Variants in TSHR observed in about 807,000 individuals in gnomAD.
TSHR encodes the protein thyrotropin receptor.
Under a neutral mutation model 64.1 loss-of-function variants are expected in TSHR, and 51 were observed. The observed-to-expected ratio is 0.80, with a 90% CI of 0.64 to 1.01. TSHR has a LOEUF of 1.01. Among genes scored for constraint, TSHR ranks in the 50% least tolerant of loss-of-function variants. TSHR has a pLI of 0.00. For synonymous variants in TSHR, 361 were observed against 361.9 expected (o/e 1.00, Z 0.03); for missense variants, 877 against 942.8 (o/e 0.93, Z 0.91).
At chr14:81,061,219 T>C (rs1489590284) in intron 1 of TSHR, among the ~76,000 whole-genome samples, 2 of 152,200 alleles carry the variant, frequency 1.3e-5, no homozygotes, top group Non-Finnish European at 2.9e-5. Context: ...AACATGCATT[T>C]AATTCTTTTA....
At chr14:81,102,065 G>A (rs528173840) in intron 7 of TSHR, among the ~76,000 whole-genome samples, 41 of 151,984 alleles carry the variant, frequency 2.7e-4, no homozygotes, top group African/African-American at 4.1e-4. Context: ...CCAGCTACTC[G>A]GGAGGCTGAG....
intron 1 of TSHR, among the ~76,000 whole-genome samples, chr14:81,021,849 T>G (rs565987561): frequency 5.3e-4 from 80 of 152,324 alleles, no homozygotes; most frequent in African/African-American, 1.9e-3. Context: ...GTGGCTGCAC[T>G]TTCAGTGCTG....
chr14:81,033,017 A>T, intron 1 of TSHR: 1 of 360,516 alleles, frequency 2.8e-6, no homozygotes, highest in South Asian at 3.0e-5. Context: ...GATTTACTGG[A>T]GTCCTTTGGT....
intron 8 of TSHR, among the ~76,000 whole-genome samples, chr14:81,123,728 A>C (rs1890901299): frequency 6.6e-6 from 1 of 152,216 alleles, no homozygotes; most frequent in Admixed American, 6.5e-5. Flanking sequence ...AAGATAATCT[A>C]ATTTAAAGCA....
intron 1 of TSHR, chr14:81,049,382 C>A (rs1424719146): frequency 6.6e-6 from 1 of 152,092 alleles, no homozygotes; most frequent in Non-Finnish European, 1.5e-5. Context: ...TTTCAGAATA[C>A]CATATCTATA....
intron 1 of TSHR, among the ~76,000 whole-genome samples, chr14:81,008,451 C>T (rs1387772457): frequency 2.0e-5 from 3 of 152,132 alleles, no homozygotes; most frequent in African/African-American, 2.4e-5. Flanking sequence ...GGATTACAGG[C>T]GTGAGCCACT....
intron 1 of TSHR, among the ~76,000 whole-genome samples, chr14:81,040,207 C>T (rs747851014): frequency 9.2e-5 from 14 of 151,760 alleles, no homozygotes; most frequent in Non-Finnish European, 2.1e-4. Flanking sequence ...CATGAATACA[C>T]ATTGGGGAAA....
chr14:81,077,994 ATTG>A (rs1021920259), intron 3 of TSHR, among the ~76,000 whole-genome samples: 25 of 151,408 alleles, frequency 1.7e-4, no homozygotes, highest in East Asian at 1.4e-3. Flanking sequence ...CTTTCATGCT[ATTG>A]TTGTCATATA....
At chr14:81,141,176 G>C (rs972456695) in intron 9 of TSHR, among the ~76,000 whole-genome samples, 1 of 152,122 alleles carries the variant, frequency 6.6e-6, no homozygotes, top group African/African-American at 2.4e-5. Context: ...GGCCAATATG[G>C]GCATCATAGC....
At chr14:80,969,792 C>T (rs1447895862) in intron 1 of TSHR, among the ~76,000 whole-genome samples, 2 of 152,190 alleles carry the variant, frequency 1.3e-5, no homozygotes, top group Admixed American at 6.5e-5. Flanking sequence ...TGAGCATTAA[C>T]GTGAGACACA....
chr14:80,956,138 C>A (rs1441785427), intron 1 of TSHR, among the ~76,000 whole-genome samples: 1 of 152,238 alleles, frequency 6.6e-6, no homozygotes, highest in Non-Finnish European at 1.5e-5. Flanking sequence ...TGCTATTCAG[C>A]ACTTTGCCTA....
chr14:81,125,040 G>A (rs567909686), intron 8 of TSHR, among the ~76,000 whole-genome samples: 1 of 152,220 alleles, frequency 6.6e-6, no homozygotes, highest in East Asian at 1.9e-4. Flanking sequence ...TAGTTATAAG[G>A]ATAAGACACA....
At chr14:81,086,531 G>C (rs554177877) in intron 3 of TSHR, among the ~76,000 whole-genome samples, 1 of 152,138 alleles carries the variant, frequency 6.6e-6, no homozygotes, top group Admixed American at 6.5e-5. Flanking sequence ...CATTATTTTA[G>C]AGCCCTAACT....
chr14:80,987,763 T>C (rs1888541574), intron 1 of TSHR, among the ~76,000 whole-genome samples: 1 of 152,214 alleles, frequency 6.6e-6, no homozygotes, highest in East Asian at 1.9e-4. Flanking sequence ...CATCTATTTA[T>C]TCCTCATTCC....
intron 8 of TSHR, among the ~76,000 whole-genome samples, chr14:81,137,420 T>C (rs1891499388): frequency 6.6e-6 from 1 of 152,214 alleles, no homozygotes; most frequent in Non-Finnish European, 1.5e-5. Flanking sequence ...TTGATAGTTC[T>C]CTTAGAATCT....
intron 3 of TSHR, among the ~76,000 whole-genome samples, chr14:81,082,523 C>T (rs141464780): frequency 3.9e-5 from 6 of 152,224 alleles, no homozygotes; most frequent in East Asian, 1.9e-4. Flanking sequence ...CTGCTAAGTC[C>T]GAGTGCACTC....
intron 1 of TSHR, chr14:80,994,411 C>T (rs904712125): frequency 6.6e-6 from 1 of 151,668 alleles, no homozygotes; most frequent in African/African-American, 2.4e-5. Flanking sequence ...TAGAAGAGAC[C>T]AAATAGCCAA....
chr14:81,003,658 A>G (rs146908702), intron 1 of TSHR: 84 of 163,260 alleles, frequency 5.1e-4, no homozygotes, highest in African/African-American at 2.0e-3. Flanking sequence ...TCACAGATCC[A>G]TCTCCACTTG....
chr14:80,968,024 T>C (rs139896372), intron 1 of TSHR, among the ~76,000 whole-genome samples: 1 of 152,262 alleles, frequency 6.6e-6, no homozygotes, highest in African/African-American at 2.4e-5. Flanking sequence ...TTGGCTCCCA[T>C]GAGTCAGGGA....
Sources: gnomAD v4.1 joint callset for allele counts (sites outside exome capture counted in the v4.1 genomes callset) on GRCh38, gnomAD v4.1.1 for gene constraint, MANE v1.5 for transcripts, NCBI Gene and HGNC (gene_info 2026-07-23, HGNC 2026-07-21) for gene names.